Variants in TENM4 observed in about 807,000 individuals in gnomAD.
TENM4 encodes the protein teneurin-4.
Under a neutral mutation model 243.3 loss-of-function variants are expected in TENM4, and 82 were observed. That is an observed-to-expected ratio of 0.34 (90% CI 0.28 to 0.40). The LOEUF is 0.40. Among genes scored for constraint, TENM4 ranks in the 10% least tolerant of loss-of-function variants. The pLI, the probability that TENM4 is intolerant of heterozygous loss-of-function variation, is 1.00. For missense variants in TENM4, 3,138 were observed against 3,673.3 expected, an observed-to-expected ratio of 0.85 and a Z score of 3.77; for synonymous variants, 1,412 against 1,456.3, an observed-to-expected ratio of 0.97 and a Z score of 0.69.
intron 9 of TENM4, among the ~76,000 whole-genome samples, chr11:78,880,324 C>T (rs746339492): frequency 2.0e-5 from 3 of 152,158 alleles, no homozygotes; most frequent in South Asian, 2.1e-4. Context: ...TGCGGAAGGC[C>T]GCAGGGACCT....
At chr11:79,206,921 G>A (rs1372532934) in intron 3 of TENM4, among the ~76,000 whole-genome samples, 2 of 152,126 alleles carry the variant, frequency 1.3e-5, no homozygotes, top group Non-Finnish European at 2.9e-5. Flanking sequence ...TCCTGGGCAG[G>A]ACTAAGAATG....
chr11:79,253,305 C>T lies in TENM4; in HGVS notation c.-264-37396G>A, dbSNP rs555645379. 5.9e-5 allele frequency among the ~76,000 whole-genome samples: 9 copies of T among 152,294 alleles called. No individual in the cohort carries two copies. In the South Asian group the frequency reaches 1.7e-3, roughly 28 times the overall value. The stretch of plus-strand genomic sequence containing the variant: ...AGGCCTGAGCAAACTCATCAATGTT[C>T]CCAAAGAGGCTATTTTCCTTTTATG... On this transcript the variant is annotated intron_variant, in intron 2 of 33. Coordinates refer to ENST00000278550, the MANE Select transcript of TENM4 (RefSeq NM_001098816.3).
At chr11:79,368,062 G>A (rs1452656862) in intron 1 of TENM4, among the ~76,000 whole-genome samples, 4 of 152,008 alleles carry the variant, frequency 2.6e-5, no homozygotes, top group Non-Finnish European at 5.9e-5. Flanking sequence ...AGTTCGCTGC[G>A]GCCCTTGGGG....
chr11:79,139,566 TATATAAAATATATATTATATTTCTAG>T (rs1862222228), intron 4 of TENM4, among the ~76,000 whole-genome samples: 1 of 95,770 alleles, frequency 1.0e-5, no homozygotes, highest in South Asian at 3.7e-4. Flanking sequence ...TTTATAGAAA[TATATAAAATATATATTATATTTCTAG>T]AAATATATAA....
intron 4 of TENM4, among the ~76,000 whole-genome samples, chr11:79,139,672 A>AT (rs1365933973): frequency 1.5e-5 from 1 of 65,534 alleles, no homozygotes; most frequent in Non-Finnish European, 2.6e-5. Context: ...AAATATATAT[A>AT]TTTTATATAA....
chr11:78,994,714 G>T lies in TENM4; in HGVS notation c.493+70024C>A, dbSNP rs995365781. On this transcript the variant is annotated intron_variant, in intron 6 of 33. Transcript: ENST00000278550. ...ATCGGAAGAGTTGTTTGAAGACTAGGGAAGATACAGACATAAGGCAATAAA... is the reference window on the plus strand; with the variant it reads ...ATCGGAAGAGTTGTTTGAAGACTAGTGAAGATACAGACATAAGGCAATAAA... 4.6e-5 allele frequency among the ~76,000 whole-genome samples: 7 copies of T among 152,148 alleles called. No homozygotes were observed. The East Asian group carries it at 1.2e-3, about 25-fold the overall frequency.
At chr11:79,012,422 T>C (rs661209) in intron 6 of TENM4, among the ~76,000 whole-genome samples, 77,132 of 151,838 alleles carry the variant, frequency 0.51, 20,525 homozygotes, top group African/African-American at 0.61. Flanking sequence ...GCTTACTGAG[T>C]ACCTACCATG....
intron 1 of TENM4, among the ~76,000 whole-genome samples, chr11:79,299,008 T>C (rs536608737): frequency 3.5e-4 from 53 of 152,300 alleles, no homozygotes; most frequent in African/African-American, 1.2e-3. Flanking sequence ...AAGGAATTTG[T>C]CATTAAAACC....
At chr11:79,200,308 A>T (rs1306126206) in intron 3 of TENM4, among the ~76,000 whole-genome samples, 1 of 152,352 alleles carries the variant, frequency 6.6e-6, no homozygotes, top group East Asian at 1.9e-4. Flanking sequence ...TGGGCATCAC[A>T]TAGTGGGGAG....
At chr11:78,744,439 T>TA (rs1856000771) in intron 19 of TENM4, among the ~76,000 whole-genome samples, 1 of 152,230 alleles carries the variant, frequency 6.6e-6, no homozygotes, top group Non-Finnish European at 1.5e-5. Context: ...GGTGAGAAAA[T>TA]AAAGTTCAGA....
intron 29 of TENM4, among the ~76,000 whole-genome samples, chr11:78,684,907 C>G (rs1223041750): frequency 6.6e-6 from 1 of 152,148 alleles, no homozygotes; most frequent in Non-Finnish European, 1.5e-5. Context: ...TAAATTTTTG[C>G]TGGATGAAAC....
intron 2 of TENM4, among the ~76,000 whole-genome samples, chr11:79,227,081 G>T (rs1565258646): frequency 6.6e-6 from 1 of 152,200 alleles, no homozygotes; most frequent in Non-Finnish European, 1.5e-5. Flanking sequence ...GAAGATTGGA[G>T]ATGAGCAGAC....
intron 8 of TENM4, among the ~76,000 whole-genome samples, chr11:78,890,866 C>T (rs1466409323): frequency 3.3e-5 from 5 of 152,190 alleles, no homozygotes; most frequent in African/African-American, 4.8e-5. Context: ...CTGTACCCCC[C>T]AGAAGCCTTA....
intron 1 of TENM4, among the ~76,000 whole-genome samples, chr11:79,342,088 C>T (rs893558521): frequency 5.3e-5 from 8 of 152,124 alleles, no homozygotes; most frequent in African/African-American, 1.9e-4. Context: ...GTGGTCTTTC[C>T]CCACAATCAC....
chr11:79,327,821 A>G (rs976439142), intron 1 of TENM4, among the ~76,000 whole-genome samples: 2 of 152,120 alleles, frequency 1.3e-5, no homozygotes. Flanking sequence ...CAACTCCACC[A>G]TTGTCTTTTA....
At chr11:79,388,109 A>G (rs944279520) in intron 1 of TENM4, among the ~76,000 whole-genome samples, 1 of 152,214 alleles carries the variant, frequency 6.6e-6, no homozygotes, top group East Asian at 1.9e-4. Context: ...GAGTTTCTAT[A>G]TGGAAGGAGA....
intron 1 of TENM4, among the ~76,000 whole-genome samples, chr11:79,317,469 T>C (rs543191102): frequency 1.3e-5 from 2 of 152,322 alleles, no homozygotes; most frequent in Admixed American, 1.3e-4. Flanking sequence ...TTAGTTGTCA[T>C]GATGCTTGAT....
intron 4 of TENM4, among the ~76,000 whole-genome samples, chr11:79,081,228 G>A (rs1177854937): frequency 6.6e-6 from 1 of 152,238 alleles, no homozygotes; most frequent in Non-Finnish European, 1.5e-5. Flanking sequence ...AGTTCATACA[G>A]CTTTGGGTCT....
intron 4 of TENM4, among the ~76,000 whole-genome samples, chr11:79,130,752 G>C (rs1043524258): frequency 2.6e-5 from 4 of 152,172 alleles, no homozygotes; most frequent in South Asian, 2.1e-4. Flanking sequence ...GAACTCGGGG[G>C]GCGGAGCTTG....
Sources: gnomAD v4.1 joint callset for allele counts (sites outside exome capture counted in the v4.1 genomes callset) on GRCh38, gnomAD v4.1.1 for gene constraint, MANE v1.5 for transcripts, NCBI Gene and HGNC (gene_info 2026-07-23, HGNC 2026-07-21) for gene names.